The following CTNNA3 variants were observed in gnomAD, a reference collection of about 807,000 sequenced individuals.
CTNNA3 encodes catenin alpha-3.
CTNNA3 carries 76 observed loss-of-function variants against 95.7 expected under a neutral mutation model. The observed-to-expected ratio is 0.79, with a 90% CI of 0.66 to 0.96. The LOEUF (loss-of-function observed/expected upper bound fraction) is 0.96, where lower values mean the gene tolerates loss of function less well. CTNNA3 is among the 40% of genes least tolerant of loss of function. The pLI is 0.00. For synonymous variants in CTNNA3, 431 were observed against 374.4 expected (o/e 1.15, Z -1.74); for missense variants, 1,191 against 1,089.8 (o/e 1.09, Z -1.31).
At chr10:66,033,911 C>T (rs574369627) in intron 15 of CTNNA3, among the ~76,000 whole-genome samples, 52 of 152,282 alleles carry the variant, frequency 3.4e-4, no homozygotes, top group African/African-American at 1.2e-3. Flanking sequence ...GTTCTGGAGC[C>T]CGGCTGCTCG....
intron 5 of CTNNA3, among the ~76,000 whole-genome samples, chr10:67,391,303 C>A (rs1420570934): frequency 6.6e-6 from 1 of 151,390 alleles, no homozygotes; most frequent in Admixed American, 6.6e-5. Flanking sequence ...CTCCCATTCA[C>A]AATTGCTTCA....
At chr10:67,020,339 G>A (rs1333096179) in intron 7 of CTNNA3, among the ~76,000 whole-genome samples, 6 of 152,176 alleles carry the variant, frequency 3.9e-5, no homozygotes, top group Admixed American at 3.3e-4. Flanking sequence ...GAGCACAAGG[G>A]CTTCTTTATA....
intron 2 of CTNNA3, among the ~76,000 whole-genome samples, chr10:67,647,139 C>G (rs1413816538): frequency 9.9e-6 from 1 of 101,110 alleles, no homozygotes; most frequent in Non-Finnish European, 2.2e-5. Flanking sequence ...TAAAGGTACT[C>G]TGAAAATTAT....
intron 14 of CTNNA3, among the ~76,000 whole-genome samples, chr10:66,077,191 T>G (rs2080582790): frequency 6.6e-6 from 1 of 151,788 alleles, no homozygotes; most frequent in African/African-American, 2.4e-5. Context: ...ATTACTTTGA[T>G]GTAGTTTAAG....
intron 13 of CTNNA3, among the ~76,000 whole-genome samples, chr10:66,233,780 T>C (rs1275900784): frequency 1.3e-5 from 2 of 152,184 alleles, no homozygotes; most frequent in African/African-American, 2.4e-5. Flanking sequence ...ATGTTATACT[T>C]GATGATGATC....
At chr10:66,573,591 A>C (rs971935730) in intron 10 of CTNNA3, among the ~76,000 whole-genome samples, 3 of 152,298 alleles carry the variant, frequency 2.0e-5, no homozygotes, top group Middle Eastern at 3.4e-3. Flanking sequence ...TATTCTATTG[A>C]ATTGCCTATT....
intron 11 of CTNNA3, among the ~76,000 whole-genome samples, chr10:66,515,263 C>CTATA (rs1326849415): frequency 8.6e-5 from 6 of 69,928 alleles, no homozygotes; most frequent in African/African-American, 3.4e-4. Flanking sequence ...CCCTTATTCC[C>CTATA]TATATCTATC....
chr10:67,734,344 TCTA>T (rs1841291426), intron 1 of CTNNA3, among the ~76,000 whole-genome samples: 1 of 152,112 alleles, frequency 6.6e-6, no homozygotes, highest in South Asian at 2.1e-4. Context: ...AGTTGAAGAA[TCTA>T]CTATTTTTGA....
At chr10:66,961,554 G>A (rs553195497) in intron 7 of CTNNA3, among the ~76,000 whole-genome samples, 15 of 151,944 alleles carry the variant, frequency 9.9e-5, no homozygotes, top group African/African-American at 3.1e-4. Flanking sequence ...GGTGTCCCAG[G>A]TTAGCCCTTG....
intron 5 of CTNNA3, among the ~76,000 whole-genome samples, chr10:67,337,006 A>T (rs1415201490): frequency 6.6e-6 from 1 of 152,190 alleles, no homozygotes; most frequent in Non-Finnish European, 1.5e-5. Context: ...TTGCTAACAC[A>T]ACATCCATTC....
At chr10:66,687,103 T>A (rs1265977435) in intron 9 of CTNNA3, among the ~76,000 whole-genome samples, 2 of 151,908 alleles carry the variant, frequency 1.3e-5, no homozygotes, top group Non-Finnish European at 2.9e-5. Flanking sequence ...GAATATAGAA[T>A]TAAAAGAAAT....
chr10:66,239,854 C>T (rs116811316), intron 13 of CTNNA3, among the ~76,000 whole-genome samples: 2,676 of 151,722 alleles, frequency 0.018, 73 homozygotes, highest in African/African-American at 0.062. Context: ...ATTATCTTTG[C>T]CCAATGTGTT....
intron 11 of CTNNA3, among the ~76,000 whole-genome samples, chr10:66,511,074 T>G (rs1840639975): frequency 6.6e-6 from 1 of 151,918 alleles, no homozygotes. Context: ...TATTTGTTAT[T>G]GGTCTGTTTG....
At chr10:67,752,039 G>A (rs562408300) in intron 1 of CTNNA3, among the ~76,000 whole-genome samples, 66 of 152,018 alleles carry the variant, frequency 4.3e-4, no homozygotes, top group Middle Eastern at 6.8e-3. Flanking sequence ...ACTTCGGGCC[G>A]ATATCCCTGA....
intron 15 of CTNNA3, among the ~76,000 whole-genome samples, chr10:66,038,838 A>C (rs949553233): frequency 1.3e-5 from 2 of 152,192 alleles, no homozygotes; most frequent in African/African-American, 4.8e-5. Context: ...CTAGCACAAG[A>C]AAAGAATGTT....
chr10:66,758,926 G>A (rs1214465529), intron 9 of CTNNA3, among the ~76,000 whole-genome samples: 3 of 151,750 alleles, frequency 2.0e-5, no homozygotes, highest in Non-Finnish European at 4.4e-5. Flanking sequence ...CAGAGGGTGA[G>A]ACTTGTCTCA....
chr10:65,966,507 C>T (rs2077968469), intron 17 of CTNNA3, 105 bp downstream of exon 17: 1 of 988,708 alleles, frequency 1.0e-6, no homozygotes. Flanking sequence ...TTTAGTTTTT[C>T]TAAACTAATT....
At chr10:67,080,494 A>AT (rs930179588) in intron 7 of CTNNA3, among the ~76,000 whole-genome samples, 9 of 151,876 alleles carry the variant, frequency 5.9e-5, no homozygotes, top group African/African-American at 1.4e-4. Flanking sequence ...CTGACATGAG[A>AT]TTTTTTTTTC....
chr10:66,026,462 A>G (rs2079339947), intron 15 of CTNNA3, among the ~76,000 whole-genome samples: 2 of 152,196 alleles, frequency 1.3e-5, no homozygotes, highest in South Asian at 4.1e-4. Context: ...TTCTATCAAA[A>G]CAAAGTGAAA....
Sources: allele counts gnomAD v4.1 joint callset (sites outside exome capture counted in the v4.1 genomes callset), GRCh38; gene constraint gnomAD v4.1.1; transcripts MANE v1.5; gene names NCBI Gene and HGNC (gene_info 2026-07-23, HGNC 2026-07-21).